Variants in THSD7A observed in about 807,000 individuals in gnomAD.
THSD7A encodes the protein thrombospondin type 1 domain containing 7A.
A neutral mutation model predicts 231.3 loss-of-function variants in THSD7A; 96 were observed. The ratio of observed to expected loss-of-function variants is 0.41; its 90% CI spans 0.35 to 0.49. THSD7A has a LOEUF of 0.49. Ranked by LOEUF, THSD7A falls within the 20% of genes least tolerant of loss-of-function variation. The probability of loss-of-function intolerance (pLI) is 0.05; values close to 1 mark genes in which losing one functional copy is unlikely to be tolerated. For synonymous variants in THSD7A, 940 were observed against 743.3 expected (o/e 1.26, Z -4.30); for missense variants, 2,290 against 2,070.2 (o/e 1.11, Z -2.06).
intron 1 of THSD7A, among the ~76,000 whole-genome samples, chr7:11,655,399 T>C (rs1441955293): frequency 6.6e-6 from 1 of 151,854 alleles, no homozygotes; most frequent in Admixed American, 6.6e-5. Context: ...CAGCTACACC[T>C]ACTAGAGGTT....
At chr7:11,535,947 A>G (rs898595788) in intron 6 of THSD7A, among the ~76,000 whole-genome samples, 1 of 152,160 alleles carries the variant, frequency 6.6e-6, no homozygotes, top group Admixed American at 6.5e-5. Context: ...GTCCTTGTTT[A>G]TCATTAATAA....
At chr7:11,379,754 G>C (rs757998268) in intron 24 of THSD7A, 42 bp from the exon 25 acceptor site, 1 of 1,534,140 alleles carries the variant, frequency 6.5e-7, no homozygotes, top group African/African-American at 1.4e-5. Flanking sequence ...AATATATTTT[G>C]CTATGATGAA....
At position 11,636,830 on chromosome 7, in the gene THSD7A, G is replaced by A; in HGVS notation, c.322C>T (p.Gln108Ter). Reference sequence around the variant, plus strand: ...TCGCAAACTTTGAAACAATTCTGCTGGTTATTGGGTCTCTCGGCCTGCTTA... The same window carrying A: ...TCGCAAACTTTGAAACAATTCTGCTAGTTATTGGGTCTCTCGGCCTGCTTA... ...NCKQAERPNN[Q>*]QNCFKVCDWH... The change falls in exon 2 of 28, where the codon CAG becomes TAG. Residue 108 changes from glutamine to a stop codon, truncating the protein, a stop_gained. Coordinates refer to ENST00000423059, the MANE Select transcript of THSD7A (RefSeq NM_015204.3). LOFTEE classifies it high-confidence loss of function. This position sits in a 1 kb window ranked among gnomAD's most constrained non-coding sequence, Gnocchi z 10.0. 1 of 1,613,924 alleles carries A rather than the reference G, an allele frequency of 6.2e-7. No individual in the cohort carries two copies. Among genetic ancestry groups the A allele is most frequent in the Non-Finnish European group, 8.5e-7 (1 of 1,179,892 alleles).
At chr7:11,801,780 T>C (rs1215072328) in intron 1 of THSD7A, among the ~76,000 whole-genome samples, 1 of 152,170 alleles carries the variant, frequency 6.6e-6, no homozygotes, top group African/African-American at 2.4e-5. Context: ...TTTTCTAATT[T>C]GTTGAAGAGT....
chr7:11,382,429 G>A (rs541153150), intron 24 of THSD7A, 92 bp downstream of exon 24: 2 of 1,050,914 alleles, frequency 1.9e-6, no homozygotes, highest in South Asian at 1.4e-5. Context: ...AATACTGAAA[G>A]AGTAACTTTG....
intron 2 of THSD7A, 147 bp from the exon 3 acceptor site, chr7:11,593,649 G>C: frequency 1.0e-6 from 1 of 992,820 alleles, no homozygotes; most frequent in Non-Finnish European, 1.5e-6. Flanking sequence ...CAACATTTAT[G>C]ATGTGGAAAA....
At chr7:11,742,760 G>C (rs952860557) in intron 1 of THSD7A, among the ~76,000 whole-genome samples, 26 of 151,866 alleles carry the variant, frequency 1.7e-4, no homozygotes, top group Admixed American at 4.6e-4. Context: ...TCTCTAAATG[G>C]GAGGAGGTCA....
chr7:11,557,809 G>A (rs897770484), intron 4 of THSD7A, among the ~76,000 whole-genome samples: 2 of 152,066 alleles, frequency 1.3e-5, no homozygotes, highest in South Asian at 4.1e-4. Flanking sequence ...ATAGCAACTA[G>A]CAGTGATGGA....
At chr7:11,564,883 A>G (rs1029223190) in intron 4 of THSD7A, among the ~76,000 whole-genome samples, 9 of 152,194 alleles carry the variant, frequency 5.9e-5, no homozygotes, top group South Asian at 4.1e-4. Flanking sequence ...AAGAACACTT[A>G]AAAATAGTGG....
intron 13 of THSD7A, among the ~76,000 whole-genome samples, chr7:11,432,675 A>G (rs1784515745): frequency 1.3e-5 from 2 of 152,018 alleles, no homozygotes; most frequent in South Asian, 2.1e-4. Context: ...GTAGCATTCT[A>G]TTGTGTGAAT....
rs1463369357 is a variant in THSD7A, at chr7:11,372,668, A to AT, written c.*3125_*3126insA. 1 of 152,040 alleles carries AT rather than the reference A, an allele frequency of 6.6e-6. No individual in the cohort carries two copies. The highest frequency in any genetic ancestry group is 2.4e-5 in the African/African-American group (1 of 41,434). 9.4% of individuals were successfully genotyped at this position (152,040 alleles called of 1,614,324 possible). Reference sequence around the variant, plus strand: ...TTTTTCTGCTCTTCTTTTTTTAAAAACCAAACAACAGACCTTCATTCTAGG... The same window carrying AT: ...TTTTTCTGCTCTTCTTTTTTTAAAAATCCAAACAACAGACCTTCATTCTAGG... On this transcript the variant is annotated 3_prime_UTR_variant, in exon 28 of 28. Transcript: ENST00000423059.
intron 6 of THSD7A, among the ~76,000 whole-genome samples, chr7:11,526,314 T>C (rs930511385): frequency 6.6e-6 from 1 of 152,184 alleles, no homozygotes; most frequent in African/African-American, 2.4e-5. Flanking sequence ...TAAAATATAC[T>C]GACCTTCTTA....
intron 1 of THSD7A, among the ~76,000 whole-genome samples, chr7:11,779,387 T>G (rs1251947624): frequency 6.6e-6 from 1 of 152,320 alleles, no homozygotes; most frequent in East Asian, 1.9e-4. Flanking sequence ...TAGGTGCCCT[T>G]TCCCTTATTA....
Position 11,481,796 on chromosome 7 carries a change from C to T in THSD7A, c.2009G>A (p.Gly670Asp), listed in dbSNP as rs987645474. 4.4e-6 allele frequency: 7 copies of T among 1,600,052 alleles called. No individual in the cohort carries two copies. The African/African-American group carries it at 8.1e-5, about 18-fold the overall frequency. Residue 670 changes from glycine (G) to aspartate (D), a missense_variant, in exon 7 of 28, where the codon GGT (glycine) becomes GAT (aspartate). Gly to Asp is a moderately conservative substitution (Grantham distance 94). Transcript: ENST00000423059. ...IRARSILAYA[G>D]EEGGIRCPNS... is the part of the protein sequence containing the mutation. ...TGAAGCTGGCGACTCACCTTCTTCA[C>T]CCGCATAGGCCAGAATGGATCGTGC...
At chr7:11,741,803 A>G (rs1420834488) in intron 1 of THSD7A, among the ~76,000 whole-genome samples, 3 of 151,974 alleles carry the variant, frequency 2.0e-5, no homozygotes, top group East Asian at 1.9e-4. Flanking sequence ...ATTTGTATCC[A>G]TAATTTTGCT....
At chr7:11,571,953 A>G (rs1384774437) in intron 4 of THSD7A, among the ~76,000 whole-genome samples, 1 of 151,502 alleles carries the variant, frequency 6.6e-6, no homozygotes, top group East Asian at 1.9e-4. Flanking sequence ...TTTTAACTGA[A>G]TTTGAGATTT....
At chr7:11,794,407 T>C (rs925485194) in intron 1 of THSD7A, among the ~76,000 whole-genome samples, 6 of 152,022 alleles carry the variant, frequency 3.9e-5, no homozygotes, top group Admixed American at 1.3e-4. Flanking sequence ...ATCTAACTTC[T>C]GCTCAGGAAT....
chr7:11,419,281 G>T (rs983634326), intron 16 of THSD7A, among the ~76,000 whole-genome samples: 1 of 152,156 alleles, frequency 6.6e-6, no homozygotes, highest in Non-Finnish European at 1.5e-5. Flanking sequence ...GGAGGGGCCT[G>T]GTGGGAGGTC....
intron 1 of THSD7A, among the ~76,000 whole-genome samples, chr7:11,816,089 T>C (rs112908701): frequency 2.0e-5 from 3 of 152,328 alleles, no homozygotes; most frequent in African/African-American, 7.2e-5. Flanking sequence ...TCCTCCATTT[T>C]ACATCCATAT....
Sources: allele counts gnomAD v4.1 joint callset (sites outside exome capture counted in the v4.1 genomes callset), GRCh38; gene constraint gnomAD v4.1.1; non-coding constraint Gnocchi (gnomAD v3.1); transcripts MANE v1.5; gene names NCBI Gene and HGNC (gene_info 2026-07-23, HGNC 2026-07-21).